Variants in ANKS1B observed in about 807,000 individuals in gnomAD.
ANKS1B encodes ankyrin repeat and sterile alpha motif domain containing 1B, also known as ankyrin repeat and sterile alpha motif domain-containing protein 1B.
In ANKS1B, 36 loss-of-function variants were observed where a neutral mutation model predicts 148.3. The ratio of observed to expected loss-of-function variants is 0.24; its 90% CI spans 0.19 to 0.32. ANKS1B has a LOEUF of 0.32. ANKS1B is among the 10% of genes least tolerant of loss of function. The pLI is 1.00. For missense variants in ANKS1B, 1,157 were observed against 1,542.6 expected, an observed-to-expected ratio of 0.75 and a Z score of 4.19; for synonymous variants, 542 against 560.8, an observed-to-expected ratio of 0.97 and a Z score of 0.47.
chr12:99,237,870 G>C (rs2088321815), intron 14 of ANKS1B, among the ~76,000 whole-genome samples: 2 of 152,200 alleles, frequency 1.3e-5, no homozygotes, highest in East Asian at 3.8e-4. Context: ...TTTGGCCTCA[G>C]CCTCCCGAGT....
intron 10 of ANKS1B, among the ~76,000 whole-genome samples, chr12:99,491,865 G>C (rs1211752475): frequency 6.6e-6 from 1 of 152,134 alleles, no homozygotes; most frequent in Non-Finnish European, 1.5e-5. Flanking sequence ...AAACTAATGA[G>C]AGCAAAGATA....
intron 15 of ANKS1B, among the ~76,000 whole-genome samples, chr12:99,143,920 T>A (rs2071971975): frequency 6.6e-6 from 1 of 152,080 alleles, no homozygotes; most frequent in Non-Finnish European, 1.5e-5. Context: ...TATCTCTTAT[T>A]GAAAACTTTT....
At chr12:99,260,149 C>A (rs956740130) in intron 12 of ANKS1B, among the ~76,000 whole-genome samples, 7 of 151,934 alleles carry the variant, frequency 4.6e-5, no homozygotes, top group Admixed American at 4.6e-4. Flanking sequence ...TAATAACTTC[C>A]CATTTATATA....
Position 98,760,015 on chromosome 12 carries a change from G to T in ANKS1B, c.3580-8493C>A, listed in dbSNP as rs144478550. Among the ~76,000 whole-genome samples, 973 of 152,100 alleles carry T rather than the reference G, an allele frequency of 6.4e-3. 15 individuals carry two copies. The highest frequency in any genetic ancestry group is 6.4e-3 in the Non-Finnish European group (432 of 67,994). On this transcript the variant is annotated intron_variant, in intron 25 of 26. Transcript: ENST00000683438. ...AATAAAATAAATAAATCAATAATGG[G>T]TTAAAAGACTACGTAAAAATATATG...
intron 16 of ANKS1B, among the ~76,000 whole-genome samples, chr12:99,065,866 T>G (rs990631907): frequency 7.9e-5 from 12 of 152,142 alleles, no homozygotes; most frequent in African/African-American, 2.9e-4. Flanking sequence ...ATAAAGTATA[T>G]AGTCTGTTAG....
intron 17 of ANKS1B, among the ~76,000 whole-genome samples, chr12:98,889,395 T>C (rs2099747387): frequency 6.6e-6 from 1 of 152,102 alleles, no homozygotes; most frequent in Admixed American, 6.5e-5. Flanking sequence ...TTGCCCAGGC[T>C]GGAGTACAAT....
At chr12:98,807,973 C>A in intron 19 of ANKS1B, 55 bp from the exon 20 acceptor site, 2 of 1,372,186 alleles carry the variant, frequency 1.5e-6, no homozygotes, top group South Asian at 2.5e-5. Flanking sequence ...ATGGCAGCTA[C>A]CAAGGTAGCA....
intron 1 of ANKS1B, among the ~76,000 whole-genome samples, chr12:99,921,868 T>C (rs577617009): frequency 6.7e-6 from 1 of 149,728 alleles, no homozygotes; most frequent in East Asian, 2.0e-4. Context: ...AAATATAAAC[T>C]TTTTTTTTTA....
Position 99,213,812 on chromosome 12 carries a change from C to G in ANKS1B, c.2419+30530G>C, listed in dbSNP as rs117579460. On this transcript the variant is annotated intron_variant, in intron 14 of 26. Transcript: ENST00000683438. ...ATAGCAGTCATCATAGTTGTTTCTGCCTTCACCTGAGTATCAAATACACCA... is the reference window on the plus strand; with the variant it reads ...ATAGCAGTCATCATAGTTGTTTCTGGCTTCACCTGAGTATCAAATACACCA... 4.6e-4 allele frequency among the ~76,000 whole-genome samples: 70 copies of G among 152,280 alleles called. 1 individual carries two copies. In the East Asian group the frequency reaches 0.013, roughly 28 times the overall value.
intron 25 of ANKS1B, among the ~76,000 whole-genome samples, chr12:98,758,128 T>G (rs889901747): frequency 3.3e-5 from 5 of 152,204 alleles, no homozygotes; most frequent in African/African-American, 1.2e-4. Flanking sequence ...TAGCATTTAT[T>G]ATTTACTATG....
intron 9 of ANKS1B, among the ~76,000 whole-genome samples, chr12:99,580,241 G>A (rs1464150076): frequency 6.6e-6 from 1 of 151,926 alleles, no homozygotes; most frequent in Non-Finnish European, 1.5e-5. Context: ...TTACCTACCA[G>A]GTACTATGCT....
At chr12:99,954,409 A>G (rs1466444014) in intron 1 of ANKS1B, among the ~76,000 whole-genome samples, 1 of 152,150 alleles carries the variant, frequency 6.6e-6, no homozygotes, top group African/African-American at 2.4e-5. Context: ...CCTTTGTCCA[A>G]ACACTACTCC....
At chr12:99,542,627 T>C (rs1393254497) in intron 9 of ANKS1B, among the ~76,000 whole-genome samples, 1 of 152,074 alleles carries the variant, frequency 6.6e-6, no homozygotes, top group Non-Finnish European at 1.5e-5. Flanking sequence ...TTGAAAACTT[T>C]GAACAAAGTG....
At chr12:99,506,629 T>C (rs2096714656) in intron 9 of ANKS1B, among the ~76,000 whole-genome samples, 1 of 151,778 alleles carries the variant, frequency 6.6e-6, no homozygotes, top group Non-Finnish European at 1.5e-5. Context: ...TCATCAACTA[T>C]CCCACAAAGG....
chr12:99,575,896 A>G (rs893907576), intron 9 of ANKS1B, among the ~76,000 whole-genome samples: 2 of 152,126 alleles, frequency 1.3e-5, no homozygotes, highest in Non-Finnish European at 2.9e-5. Context: ...AAACACACAC[A>G]CATCAATACT....
At chr12:99,937,512 C>G (rs2094808854) in intron 1 of ANKS1B, among the ~76,000 whole-genome samples, 1 of 152,022 alleles carries the variant, frequency 6.6e-6, no homozygotes, top group South Asian at 2.1e-4. Context: ...AATCAAAAGC[C>G]CTTGATAATT....
At chr12:98,743,029 C>T (rs764250840), downstream of ANKS1B, among the ~76,000 whole-genome samples, 7 of 152,216 alleles carry the variant, frequency 4.6e-5, no homozygotes, top group Non-Finnish European at 7.3e-5. Context: ...CTTCTTCCTA[C>T]GGATTTCCTG....
chr12:99,287,943 A>G (rs1365776561), intron 12 of ANKS1B, among the ~76,000 whole-genome samples: 4 of 152,172 alleles, frequency 2.6e-5, no homozygotes, highest in Admixed American at 1.3e-4. Context: ...AGCAAATCTA[A>G]AAGTTCTTAA....
At chr12:99,736,152 T>A (rs1287804777) in intron 8 of ANKS1B, among the ~76,000 whole-genome samples, 1 of 151,980 alleles carries the variant, frequency 6.6e-6, no homozygotes, top group Non-Finnish European at 1.5e-5. Context: ...ACAGCTAACA[T>A]CATACTGATG....
Sources: gnomAD v4.1 joint callset for allele counts (sites outside exome capture counted in the v4.1 genomes callset) on GRCh38, gnomAD v4.1.1 for gene constraint, MANE v1.5 for transcripts, NCBI Gene and HGNC (gene_info 2026-07-23, HGNC 2026-07-21) for gene names.